Variants in NKAIN2 observed in about 807,000 individuals in gnomAD.
The protein encoded by NKAIN2 is sodium/potassium-transporting ATPase subunit beta-1-interacting protein 2.
NKAIN2 carries 14 observed loss-of-function variants against 32.6 expected under a neutral mutation model. The observed-to-expected ratio is 0.43, with a 90% CI of 0.28 to 0.67. The LOEUF is 0.67. NKAIN2 is among the 30% of genes least tolerant of loss of function. NKAIN2 has a pLI of 0.17. For missense variants in NKAIN2, 198 were observed against 258.3 expected, an observed-to-expected ratio of 0.77 and a Z score of 1.60; for synonymous variants, 80 against 87.2, an observed-to-expected ratio of 0.92 and a Z score of 0.46.
chr6:124,545,516 G>A (rs1780064513), intron 3 of NKAIN2, among the ~76,000 whole-genome samples: 3 of 151,910 alleles, frequency 2.0e-5, no homozygotes, highest in Admixed American at 2.0e-4. Context: ...TTACAGCATA[G>A]GTTATTTTGT....
chr6:124,437,878 T>TA, intron 3 of NKAIN2: 1 of 407,094 alleles, frequency 2.5e-6, no homozygotes, highest in South Asian at 1.8e-5. Flanking sequence ...ATTGATTTTT[T>TA]TTTTTTTTTT....
chr6:124,689,384 A>T (rs1484907132), intron 4 of NKAIN2, among the ~76,000 whole-genome samples: 1 of 152,022 alleles, frequency 6.6e-6, no homozygotes, highest in Admixed American at 6.6e-5. Context: ...GTTTTTGGAA[A>T]ATGTTTTCTT....
intron 3 of NKAIN2, among the ~76,000 whole-genome samples, chr6:124,446,466 C>T (rs1268077827): frequency 6.6e-6 from 1 of 152,050 alleles, no homozygotes; most frequent in Non-Finnish European, 1.5e-5. Context: ...CCTCAGCTTC[C>T]AGAGTAGCTA....
At chr6:124,721,389 A>G (rs1330711782) in intron 4 of NKAIN2, among the ~76,000 whole-genome samples, 4 of 145,612 alleles carry the variant, frequency 2.7e-5, no homozygotes, top group South Asian at 2.2e-4. Context: ...GGGCGACAGA[A>G]CGAGACTCCG....
chr6:124,785,664 T>G (rs901566507), intron 4 of NKAIN2, among the ~76,000 whole-genome samples: 1 of 152,146 alleles, frequency 6.6e-6, no homozygotes, highest in African/African-American at 2.4e-5. Flanking sequence ...TCATTAAGTT[T>G]GGGAGGCTGT....
At chr6:123,858,415 C>G (rs1197116033) in intron 1 of NKAIN2, among the ~76,000 whole-genome samples, 2 of 152,168 alleles carry the variant, frequency 1.3e-5, no homozygotes, top group African/African-American at 4.8e-5. Context: ...TGTGCCCATC[C>G]TCTAACATTG....
intron 1 of NKAIN2, among the ~76,000 whole-genome samples, chr6:124,162,457 C>T (rs1294043066): frequency 6.6e-6 from 1 of 152,018 alleles, no homozygotes; most frequent in African/African-American, 2.4e-5. Context: ...AAAATTGGCA[C>T]AGATATGGTA....
intron 1 of NKAIN2, among the ~76,000 whole-genome samples, chr6:124,181,057 A>G (rs536191918): frequency 5.3e-5 from 8 of 152,110 alleles, no homozygotes; most frequent in Non-Finnish European, 1.0e-4. Flanking sequence ...AAGCATTTCC[A>G]TACATCCTCT....
intron 3 of NKAIN2, among the ~76,000 whole-genome samples, chr6:124,603,171 G>T (rs973021251): frequency 6.6e-6 from 1 of 151,822 alleles, no homozygotes. Flanking sequence ...AAAATGAGTA[G>T]CCCAAAGCCA....
At chr6:124,739,899 G>A (rs1233468666) in intron 4 of NKAIN2, among the ~76,000 whole-genome samples, 2 of 151,820 alleles carry the variant, frequency 1.3e-5, no homozygotes, top group Non-Finnish European at 2.9e-5. Flanking sequence ...TCTGGCAGGG[G>A]GAAGGTAGAA....
intron 1 of NKAIN2, among the ~76,000 whole-genome samples, chr6:123,973,965 C>T (rs981327909): frequency 1.3e-5 from 2 of 151,996 alleles, no homozygotes; most frequent in Non-Finnish European, 2.9e-5. Context: ...GAAAAATACT[C>T]CTCTGGAATT....
chr6:124,197,362 G>T (rs557942818), intron 1 of NKAIN2, among the ~76,000 whole-genome samples: 1 of 151,032 alleles, frequency 6.6e-6, no homozygotes, highest in Non-Finnish European at 1.5e-5. Context: ...TGTATTGTTC[G>T]ACAGTCAATA....
intron 4 of NKAIN2, among the ~76,000 whole-genome samples, chr6:124,769,031 GTTTC>G (rs1350108472): frequency 4.6e-5 from 7 of 152,064 alleles, no homozygotes; most frequent in African/African-American, 9.7e-5. Flanking sequence ...GTCACATGTT[GTTTC>G]TTTCTTTAAG....
intron 1 of NKAIN2, among the ~76,000 whole-genome samples, chr6:124,060,674 G>A (rs911364952): frequency 1.3e-5 from 2 of 152,052 alleles, no homozygotes; most frequent in Non-Finnish European, 2.9e-5. Context: ...TTGCATGAAA[G>A]GATAACTTTT....
chr6:124,149,486 C>T (rs1787588070), intron 1 of NKAIN2, among the ~76,000 whole-genome samples: 1 of 152,162 alleles, frequency 6.6e-6, no homozygotes, highest in African/African-American at 2.4e-5. Flanking sequence ...GGTCTAACTG[C>T]ATTTATTTGC....
intron 1 of NKAIN2, among the ~76,000 whole-genome samples, chr6:123,837,556 T>G (rs4897545): frequency 0.73 from 110,940 of 151,488 alleles, 40,789 homozygotes; most frequent in Non-Finnish European, 0.77. Context: ...CTTTCCCTTT[T>G]GTAACTGTTT....
chr6:124,004,095 T>G (rs1779981136), intron 1 of NKAIN2, among the ~76,000 whole-genome samples: 3 of 152,234 alleles, frequency 2.0e-5, no homozygotes, highest in Admixed American at 2.0e-4. Context: ...ATTTTCTTAG[T>G]CACTAACTTT....
At chr6:124,426,974 C>A (rs1223352670) in intron 3 of NKAIN2, among the ~76,000 whole-genome samples, 1 of 152,176 alleles carries the variant, frequency 6.6e-6, no homozygotes, top group East Asian at 1.9e-4. Context: ...GTCCATTAAA[C>A]CTCTTTCTTG....
chr6:124,217,722 A>G (rs932423076), intron 1 of NKAIN2, among the ~76,000 whole-genome samples: 3 of 152,110 alleles, frequency 2.0e-5, no homozygotes, highest in African/African-American at 7.2e-5. Flanking sequence ...TTTGTCACAT[A>G]TTACAAAGCA....
Sources: gnomAD v4.1 joint callset for allele counts (sites outside exome capture counted in the v4.1 genomes callset) on GRCh38, gnomAD v4.1.1 for gene constraint, MANE v1.5 for transcripts, NCBI Gene and HGNC (gene_info 2026-07-23, HGNC 2026-07-21) for gene names.